WWOX: variants seen among roughly 807,000 people sequenced by gnomAD.
WWOX encodes WW domain-containing oxidoreductase.
In WWOX, 69 loss-of-function variants were observed where a neutral mutation model predicts 46.2. The observed-to-expected ratio is 1.49, with a 90% CI of 1.23 to 1.82. The LOEUF is 1.82. Among genes scored for constraint, WWOX ranks in the 40% most tolerant of loss-of-function variants. The probability of loss-of-function intolerance (pLI) is 0.00; values close to 1 mark genes in which losing one functional copy is unlikely to be tolerated. For missense variants in WWOX, 919 were observed against 542.6 expected (o/e 1.69, Z -6.89); for synonymous variants, 359 against 202.6 (o/e 1.77, Z -6.56).
At chr16:78,519,874 A>G (rs1234695487) in intron 8 of WWOX, among the ~76,000 whole-genome samples, 5 of 152,152 alleles carry the variant, frequency 3.3e-5, no homozygotes, top group Non-Finnish European at 1.5e-5. Context: ...CTCATAAGCC[A>G]CCTAAGTTAT....
At chr16:78,173,683 A>C (rs954254860) in intron 5 of WWOX, among the ~76,000 whole-genome samples, 1 of 152,144 alleles carries the variant, frequency 6.6e-6, no homozygotes, top group Admixed American at 6.6e-5. Context: ...GATTCAGTAA[A>C]TGGTCGTTGC....
intron 8 of WWOX, among the ~76,000 whole-genome samples, chr16:78,434,166 A>G (rs1490800651): frequency 6.6e-6 from 1 of 152,070 alleles, no homozygotes; most frequent in Non-Finnish European, 1.5e-5. Context: ...CTTTTATTCT[A>G]ATCACCCAAG....
chr16:78,418,649 A>G (rs1004445893), intron 6 of WWOX, among the ~76,000 whole-genome samples: 1 of 152,224 alleles, frequency 6.6e-6, no homozygotes, highest in Admixed American at 6.5e-5. Flanking sequence ...GGTTGGTTTT[A>G]TATTAAAAAA....
At chr16:79,070,900 G>A (rs1248901504) in intron 8 of WWOX, among the ~76,000 whole-genome samples, 2 of 152,120 alleles carry the variant, frequency 1.3e-5, no homozygotes, top group African/African-American at 2.4e-5. Context: ...TTTTGAAGTA[G>A]CATCGTCACT....
rs2051712568 is a variant in WWOX, at chr16:78,828,070, G to C, written c.1057-383538G>C. On this transcript the variant is annotated intron_variant, in intron 8 of 8. Coordinates refer to ENST00000566780, the MANE Select transcript of WWOX (RefSeq NM_016373.4). ...CATTGGCAACTGGGAGCCCTGGTGT[G>C]TCTATTAGCTCCTCAGGCTGTGAGG... Among the ~76,000 whole-genome samples, 3 of 152,162 alleles carry C rather than the reference G, an allele frequency of 2.0e-5. No individual in the cohort carries two copies. In the South Asian group the frequency reaches 6.2e-4, roughly 32 times the overall value.
chr16:79,079,957 G>GTTAAA (rs1597355478), intron 8 of WWOX, among the ~76,000 whole-genome samples: 1 of 150,368 alleles, frequency 6.7e-6, no homozygotes, highest in South Asian at 2.1e-4. Context: ...TGCTGATTAA[G>GTTAAA]ATTTCAGATT....
intron 8 of WWOX, among the ~76,000 whole-genome samples, chr16:79,159,657 C>T (rs994321690): frequency 6.6e-6 from 1 of 152,166 alleles, no homozygotes; most frequent in African/African-American, 2.4e-5. Context: ...CAGGACAAAT[C>T]TTTTCATATT....
chr16:78,360,672 A>G (rs1460978625), intron 5 of WWOX, among the ~76,000 whole-genome samples: 2 of 63,578 alleles, frequency 3.1e-5, no homozygotes, highest in East Asian at 4.3e-4. Flanking sequence ...ATCATGGTAT[A>G]ATAATCAAAA....
At chr16:79,171,552 C>T (rs1306014722) in intron 8 of WWOX, among the ~76,000 whole-genome samples, 1 of 152,130 alleles carries the variant, frequency 6.6e-6, no homozygotes, top group African/African-American at 2.4e-5. Context: ...TGGTAGCCCC[C>T]AGGTCCCCTA....
intron 8 of WWOX, among the ~76,000 whole-genome samples, chr16:78,566,322 A>G (rs2044564414): frequency 6.6e-6 from 1 of 152,228 alleles, no homozygotes; most frequent in African/African-American, 2.4e-5. Context: ...TTTAGTCCAT[A>G]ACAACTATCT....
intron 8 of WWOX, among the ~76,000 whole-genome samples, chr16:78,478,936 C>T (rs543905189): frequency 6.6e-6 from 1 of 152,052 alleles, no homozygotes; most frequent in South Asian, 2.1e-4. Context: ...ATATTTCCAT[C>T]ATGGCCCCTT....
intron 5 of WWOX, among the ~76,000 whole-genome samples, chr16:78,324,548 C>G (rs1243132030): frequency 6.6e-6 from 1 of 151,938 alleles, no homozygotes; most frequent in East Asian, 1.9e-4. Flanking sequence ...CATCAATGGA[C>G]AAATGGATAA....
intron 8 of WWOX, among the ~76,000 whole-genome samples, chr16:78,814,031 T>C (rs1345543764): frequency 6.6e-6 from 1 of 152,208 alleles, no homozygotes; most frequent in Non-Finnish European, 1.5e-5. Flanking sequence ...AGTTTTCTTT[T>C]CTTTCCTTGC....
At chr16:79,032,215 CAT>C (rs1298194226) in intron 8 of WWOX, among the ~76,000 whole-genome samples, 2 of 145,426 alleles carry the variant, frequency 1.4e-5, no homozygotes, top group Non-Finnish European at 3.0e-5. Flanking sequence ...TGTATATACA[CAT>C]ATGTATATAT....
intron 8 of WWOX, among the ~76,000 whole-genome samples, chr16:78,988,228 C>G (rs1034305860): frequency 6.6e-6 from 1 of 151,798 alleles, no homozygotes; most frequent in Admixed American, 6.6e-5. Context: ...TCTGTAATCT[C>G]AGCTCCTCGG....
chr16:78,321,082 C>T (rs184580825), intron 5 of WWOX, among the ~76,000 whole-genome samples: 87 of 152,162 alleles, frequency 5.7e-4, no homozygotes, highest in African/African-American at 2.0e-3. Context: ...AAACAGCCTG[C>T]TGCCTGAACA....
At chr16:78,910,276 A>G (rs541003871) in intron 8 of WWOX, among the ~76,000 whole-genome samples, 1 of 152,254 alleles carries the variant, frequency 6.6e-6, no homozygotes, top group East Asian at 1.9e-4. Context: ...TCCTGACATC[A>G]TGATCATGGA....
intron 4 of WWOX, among the ~76,000 whole-genome samples, chr16:78,135,455 C>G (rs2033754737): frequency 1.3e-5 from 2 of 152,124 alleles, no homozygotes; most frequent in Admixed American, 1.3e-4. Context: ...CTGAAGTTAT[C>G]TTCAATTCAA....
At chr16:78,887,518 C>CACACACACACACACACACACACAT (rs1199309440) in intron 8 of WWOX, among the ~76,000 whole-genome samples, 2 of 147,340 alleles carry the variant, frequency 1.4e-5, no homozygotes, top group African/African-American at 5.1e-5. Flanking sequence ...CACACACACA[C>CACACACACACACACACACACACAT]AAGAAATGAC....
Sources: allele counts gnomAD v4.1 joint callset (sites outside exome capture counted in the v4.1 genomes callset), GRCh38; gene constraint gnomAD v4.1.1; transcripts MANE v1.5; gene names NCBI Gene and HGNC (gene_info 2026-07-23, HGNC 2026-07-21).